Variants in HDAC8 observed in about 807,000 individuals in gnomAD.
The protein encoded by HDAC8 is histone deacetylase 8.
HDAC8 carries 1 observed loss-of-function variant against 32.2 expected under a neutral mutation model. That is an observed-to-expected ratio of 0.03 (90% CI 0.01 to 0.15). The LOEUF (loss-of-function observed/expected upper bound fraction) is 0.15, where lower values mean the gene tolerates loss of function less well. Among genes scored for constraint, HDAC8 ranks in the 10% least tolerant of loss-of-function variants. The probability of loss-of-function intolerance (pLI) is 1.00; values close to 1 mark genes in which losing one functional copy is unlikely to be tolerated. For missense variants in HDAC8, 117 were observed against 300.0 expected, an observed-to-expected ratio of 0.39 and a Z score of 4.51; for synonymous variants, 108 against 113.9, an observed-to-expected ratio of 0.95 and a Z score of 0.33.
At chrX:72,368,807 C>T (rs1219862194) in intron 9 of HDAC8, among the ~76,000 whole-genome samples, 3 of 112,512 alleles carry the variant, frequency 2.7e-5, no homozygotes, top group Non-Finnish European at 3.8e-5. Flanking sequence ...CAAAGACGGC[C>T]CTCACTCAAG....
At chrX:72,354,969 C>G (rs782274812) in intron 9 of HDAC8, among the ~76,000 whole-genome samples, 49 of 112,139 alleles carry the variant, frequency 4.4e-4, no homozygotes, top group Non-Finnish European at 6.2e-4. Flanking sequence ...CAAGCCTCAT[C>G]CACACCCTGA....
At chrX:72,460,568 A>G (rs782293020) in intron 9 of HDAC8, among the ~76,000 whole-genome samples, 30 of 112,155 alleles carry the variant, frequency 2.7e-4, no homozygotes, top group African/African-American at 9.7e-4. Context: ...TATGAGGCCC[A>G]GCTTACACCC....
At chrX:72,455,471 C>G (rs1180744713) in intron 9 of HDAC8, among the ~76,000 whole-genome samples, 1 of 111,139 alleles carries the variant, frequency 9.0e-6, no homozygotes, top group Non-Finnish European at 1.9e-5. Context: ...AAGTTTTGAG[C>G]TTAACTAGCC....
intron 10 of HDAC8, among the ~76,000 whole-genome samples, chrX:72,345,209 C>A (rs782599665): frequency 9.0e-6 from 1 of 111,491 alleles, no homozygotes; most frequent in African/African-American, 3.3e-5. Context: ...GAGACACAAT[C>A]ATATCTCTTA....
At chrX:72,550,782 T>A (rs1253222933) in intron 4 of HDAC8, among the ~76,000 whole-genome samples, 1 of 111,479 alleles carries the variant, frequency 9.0e-6, no homozygotes, top group Non-Finnish European at 1.9e-5. Context: ...AAAGCTGTCG[T>A]AACCCTACCC....
intron 9 of HDAC8, among the ~76,000 whole-genome samples, chrX:72,366,189 G>T (rs1383080965): frequency 8.9e-6 from 1 of 111,997 alleles, no homozygotes; most frequent in Non-Finnish European, 1.9e-5. Context: ...CAGAAATTCA[G>T]ATCTGATCAT....
rs1556166100 is a variant in HDAC8 at position 72,572,723 on chromosome X, C to A, written c.39G>T (p.Ser13=). ...EPEEPADSGQ[S]LVPVYIYSPE... Reference sequence around the variant, plus strand: ...GACTATAGATATAAACCGGGACCAGCGACTGCCCACTGTCCGCCGGTTCCT... The same window carrying A: ...GACTATAGATATAAACCGGGACCAGAGACTGCCCACTGTCCGCCGGTTCCT... Residue 13 remains serine (S), a synonymous_variant, in exon 1 of 11, where the codon TCG becomes TCT. Coordinates refer to ENST00000373573, the MANE Select transcript of HDAC8 (RefSeq NM_018486.3). 1.7e-6 allele frequency: 2 copies of A among 1,209,932 alleles called. No homozygotes were observed. Among genetic ancestry groups the A allele is most frequent in the Middle Eastern group, 2.3e-4 (1 of 4,355 alleles).
At chrX:72,511,915 T>C (rs1224971016) in intron 4 of HDAC8, among the ~76,000 whole-genome samples, 3 of 112,312 alleles carry the variant, frequency 2.7e-5, no homozygotes, top group African/African-American at 6.5e-5. Flanking sequence ...ATTTTAAGCA[T>C]TCTTTCTAGA....
chrX:72,380,838 AAATATTATC>A (rs1449737195), intron 9 of HDAC8, among the ~76,000 whole-genome samples: 2 of 112,339 alleles, frequency 1.8e-5, no homozygotes, highest in Non-Finnish European at 3.8e-5. Context: ...AACATATTCA[AAATATTATC>A]AATTTGACAT....
intron 9 of HDAC8, among the ~76,000 whole-genome samples, chrX:72,447,452 C>G (rs1488669383): frequency 8.9e-6 from 1 of 111,860 alleles, no homozygotes; most frequent in Non-Finnish European, 1.9e-5. Flanking sequence ...ATAATAAGAG[C>G]TATTTATGAC....
At chrX:72,471,613 A>G (rs1270304431) in intron 7 of HDAC8, among the ~76,000 whole-genome samples, 1 of 112,371 alleles carries the variant, frequency 8.9e-6, no homozygotes, top group East Asian at 2.8e-4. Flanking sequence ...ATAAAGTTGA[A>G]TATCTTTTCA....
chrX:72,469,404 CACCTTGGCCTCCCA>C (rs2048107446), intron 7 of HDAC8, among the ~76,000 whole-genome samples: 1 of 112,446 alleles, frequency 8.9e-6, no homozygotes, highest in African/African-American at 3.2e-5. Context: ...GCGATCCTCC[CACCTTGGCCTCCCA>C]AAATGCTGGG....
intron 9 of HDAC8, among the ~76,000 whole-genome samples, chrX:72,447,602 A>G (rs182340221): frequency 1.8e-3 from 199 of 111,992 alleles, no homozygotes; most frequent in African/African-American, 6.1e-3. Flanking sequence ...ATCAGGCAAG[A>G]GAAAGAAATA....
chrX:72,515,587 T>TGGGGGGGGGG (rs61675419), intron 4 of HDAC8, among the ~76,000 whole-genome samples: 42 of 33,703 alleles, frequency 1.2e-3, no homozygotes, highest in South Asian at 2.5e-3. Flanking sequence ...TCAGTGTGTG[T>TGGGGGGGGGG]GGGGGGGGGG....
chrX:72,504,733 G>A (rs937084822), intron 4 of HDAC8, among the ~76,000 whole-genome samples: 4 of 112,034 alleles, frequency 3.6e-5, no homozygotes, highest in Non-Finnish European at 7.5e-5. Flanking sequence ...GAATTTTTAG[G>A]TCATATAGTA....
chrX:72,406,841 T>A (rs1054910228), intron 9 of HDAC8, among the ~76,000 whole-genome samples: 2 of 112,419 alleles, frequency 1.8e-5, no homozygotes, highest in Non-Finnish European at 1.9e-5. Flanking sequence ...AAAAGTCACA[T>A]ATGACTAGTG....
intron 9 of HDAC8, among the ~76,000 whole-genome samples, chrX:72,397,990 T>C (rs1267492592): frequency 1.8e-5 from 2 of 112,160 alleles, no homozygotes; most frequent in South Asian, 3.7e-4. Context: ...TAATGAGTTG[T>C]AAAGTATACA....
At chrX:72,432,064 G>A (rs2046834016) in intron 9 of HDAC8, among the ~76,000 whole-genome samples, 2 of 110,890 alleles carry the variant, frequency 1.8e-5, no homozygotes, top group South Asian at 7.8e-4. Context: ...TCAAACTCCT[G>A]GGCTCAAGTG....
intron 9 of HDAC8, among the ~76,000 whole-genome samples, chrX:72,396,871 T>G (rs1344191547): frequency 9.5e-6 from 1 of 105,259 alleles, no homozygotes; most frequent in African/African-American, 4.0e-5. Context: ...ACAACAATAA[T>G]GTACTGTGTA....
Sources: allele counts gnomAD v4.1 joint callset (sites outside exome capture counted in the v4.1 genomes callset), GRCh38; gene constraint gnomAD v4.1.1; transcripts MANE v1.5; gene names NCBI Gene and HGNC (gene_info 2026-07-23, HGNC 2026-07-21).